Variants in VTI1A observed in about 807,000 individuals in gnomAD.
The protein encoded by VTI1A is vesicle transport through interaction with t-SNAREs 1A, also known as vesicle transport through interaction with t-SNAREs homolog 1A.
In VTI1A, 22 loss-of-function variants were observed where a neutral mutation model predicts 34.9. That is an observed-to-expected ratio of 0.63 (90% CI 0.45 to 0.90). The LOEUF (loss-of-function observed/expected upper bound fraction) is 0.90. VTI1A is among the 40% of genes least tolerant of loss of function. The pLI is 0.00. For missense variants in VTI1A, 268 were observed against 275.6 expected (o/e 0.97, Z 0.20); for synonymous variants, 87 against 97.3 (o/e 0.89, Z 0.62).
intron 7 of VTI1A, among the ~76,000 whole-genome samples, chr10:112,697,866 ATGTGTGTGTGTGTG>A (rs67142519): frequency 3.0e-5 from 4 of 134,824 alleles, no homozygotes; most frequent in Admixed American, 7.4e-5. Flanking sequence ...TAGCATTTAC[ATGTGTGTGTGTGTG>A]TGTGTGTGTG....
intron 5 of VTI1A, among the ~76,000 whole-genome samples, chr10:112,572,316 G>T (rs1240111148): frequency 1.3e-5 from 2 of 152,138 alleles, no homozygotes; most frequent in East Asian, 3.9e-4. Context: ...TCAATGAAAG[G>T]TATGAGTGGT....
chr10:112,687,386 A>G (rs1311405859), intron 7 of VTI1A, among the ~76,000 whole-genome samples: 1 of 151,082 alleles, frequency 6.6e-6, no homozygotes, highest in Non-Finnish European at 1.5e-5. Flanking sequence ...GGCTCCCACC[A>G]CCACGCCCGG....
chr10:112,815,263 T>C, intron 7 of VTI1A, 27 bp from the exon 8 acceptor site: 1 of 1,601,212 alleles, frequency 6.2e-7, no homozygotes, highest in South Asian at 1.1e-5. Flanking sequence ...TATCTGTGTG[T>C]GTTTTTTCTC....
intron 7 of VTI1A, among the ~76,000 whole-genome samples, chr10:112,770,562 A>ATTT (rs58004822): frequency 7.2e-6 from 1 of 139,812 alleles, no homozygotes; most frequent in African/African-American, 2.6e-5. Flanking sequence ...CGCCCGGCTA[A>ATTT]TTTTTTTTTT....
At chr10:112,536,171 A>G (rs1035906698) in intron 4 of VTI1A, among the ~76,000 whole-genome samples, 3 of 152,216 alleles carry the variant, frequency 2.0e-5, no homozygotes, top group Non-Finnish European at 4.4e-5. Flanking sequence ...GTAAATCTCT[A>G]ATAACTAAAT....
chr10:112,754,065 G>C (rs999098338), intron 7 of VTI1A, among the ~76,000 whole-genome samples: 1 of 152,164 alleles, frequency 6.6e-6, no homozygotes, highest in African/African-American at 2.4e-5. Flanking sequence ...AAATAAAGCT[G>C]TCATTCTGTT....
At chr10:112,574,426 C>G (rs1255974816) in intron 5 of VTI1A, among the ~76,000 whole-genome samples, 2 of 152,200 alleles carry the variant, frequency 1.3e-5, no homozygotes, top group East Asian at 3.8e-4. Flanking sequence ...AGCCACTACT[C>G]TAAAGCCATA....
At chr10:112,474,276 A>G (rs1279398093) in intron 3 of VTI1A, among the ~76,000 whole-genome samples, 2 of 151,896 alleles carry the variant, frequency 1.3e-5, no homozygotes, top group Non-Finnish European at 2.9e-5. Flanking sequence ...TGTGGTCTCG[A>G]TCTCCTGACC....
chr10:112,585,470 C>T (rs1844110394), intron 5 of VTI1A, among the ~76,000 whole-genome samples: 1 of 152,068 alleles, frequency 6.6e-6, no homozygotes, highest in African/African-American at 2.4e-5. Context: ...ACTTTCTGTA[C>T]AATAAAGTTA....
chr10:112,622,455 T>TAA (rs530312462), intron 5 of VTI1A, among the ~76,000 whole-genome samples: 22 of 114,254 alleles, frequency 1.9e-4, no homozygotes, highest in Middle Eastern at 4.4e-3. Flanking sequence ...AAAAAGTACC[T>TAA]AAAAAAAAAA....
chr10:112,802,430 C>T (rs1852906699), intron 7 of VTI1A, among the ~76,000 whole-genome samples: 1 of 152,112 alleles, frequency 6.6e-6, no homozygotes, highest in African/African-American at 2.4e-5. Context: ...TGGGTTGAGG[C>T]TTCGGTTTCC....
At chr10:112,735,442 G>T (rs1161599049) in intron 7 of VTI1A, among the ~76,000 whole-genome samples, 1 of 152,086 alleles carries the variant, frequency 6.6e-6, no homozygotes, top group Non-Finnish European at 1.5e-5. Context: ...AAACTATTTT[G>T]TTTGCTGAGA....
intron 7 of VTI1A, among the ~76,000 whole-genome samples, chr10:112,741,942 T>A (rs1850707891): frequency 6.6e-6 from 1 of 152,218 alleles, no homozygotes; most frequent in Admixed American, 6.5e-5. Flanking sequence ...CCTTTAGCAA[T>A]GCATATTGAG....
At chr10:112,831,525 G>A in the VTI1A span, 2 of 152,184 alleles carry the variant, frequency 1.3e-5, no homozygotes, top group Non-Finnish European at 2.9e-5. Flanking sequence ...ATTTTAAGAG[G>A]GAGCTGAGCA....
At chr10:112,830,251 A>G in the VTI1A span, among the ~76,000 whole-genome samples, 3 of 151,964 alleles carry the variant, frequency 2.0e-5, no homozygotes, top group Non-Finnish European at 2.9e-5. Flanking sequence ...ATTCCTTCCC[A>G]TGGCCCGTCC....
chr10:112,793,343 T>C (rs771583703), intron 7 of VTI1A, among the ~76,000 whole-genome samples: 3 of 152,236 alleles, frequency 2.0e-5, no homozygotes, highest in Non-Finnish European at 4.4e-5. Flanking sequence ...GTTGAAATGT[T>C]GGCATTTCCT....
intron 5 of VTI1A, among the ~76,000 whole-genome samples, chr10:112,560,222 T>C (rs1206574369): frequency 6.6e-6 from 1 of 152,220 alleles, no homozygotes; most frequent in Non-Finnish European, 1.5e-5. Flanking sequence ...ATTATCTTAA[T>C]AGTGATAGGT....
At chr10:112,711,527 T>C (rs919970189) in intron 7 of VTI1A, among the ~76,000 whole-genome samples, 1 of 152,224 alleles carries the variant, frequency 6.6e-6, no homozygotes, top group Non-Finnish European at 1.5e-5. Flanking sequence ...CCACATGCGC[T>C]GTCCCCGGGC....
At chr10:112,842,192 G>A in the VTI1A span, among the ~76,000 whole-genome samples, 1 of 150,838 alleles carries the variant, frequency 6.6e-6, no homozygotes, top group African/African-American at 2.4e-5. Context: ...AAAATGAGAT[G>A]CCTGTTACCA....
Sources: allele counts gnomAD v4.1 joint callset (sites outside exome capture counted in the v4.1 genomes callset), GRCh38; gene constraint gnomAD v4.1.1; transcripts MANE v1.5; gene names NCBI Gene and HGNC (gene_info 2026-07-23, HGNC 2026-07-21).